The following BTRC variants were observed in gnomAD, a reference collection of about 807,000 sequenced individuals.
BTRC encodes the protein F-box/WD repeat-containing protein 1A.
Under a neutral mutation model 85.5 loss-of-function variants are expected in BTRC, and 42 were observed. The observed-to-expected ratio is 0.49, with a 90% CI of 0.38 to 0.64. The LOEUF (loss-of-function observed/expected upper bound fraction) is 0.64, where lower values mean the gene tolerates loss of function less well. Among genes scored for constraint, BTRC ranks in the 30% least tolerant of loss-of-function variants. BTRC has a pLI of 0.00. For synonymous variants in BTRC, 255 were observed against 263.3 expected (o/e 0.97, Z 0.30); for missense variants, 594 against 743.5 (o/e 0.80, Z 2.34).
chr10:101,366,917 T>TA (rs1942433976), intron 1 of BTRC, among the ~76,000 whole-genome samples: 1 of 2,388 alleles, frequency 4.2e-4, no homozygotes, highest in Non-Finnish European at 3.0e-3. Flanking sequence ...TTAATATATA[T>TA]TTATATATAT....
intron 13 of BTRC, among the ~76,000 whole-genome samples, chr10:101,543,468 T>TC (rs2062505805): frequency 2.0e-5 from 3 of 151,944 alleles, no homozygotes; most frequent in Non-Finnish European, 4.4e-5. Flanking sequence ...TTTTTTGTTT[T>TC]TTTTTTTTCT....
intron 4 of BTRC, among the ~76,000 whole-genome samples, chr10:101,505,526 A>G (rs1026631829): frequency 7.3e-5 from 11 of 151,710 alleles, no homozygotes; most frequent in African/African-American, 2.4e-4. Context: ...AAGCTGAGGC[A>G]GGAGAATGGC....
At chr10:101,366,021 A>C (rs778814755) in intron 1 of BTRC, among the ~76,000 whole-genome samples, 3 of 151,908 alleles carry the variant, frequency 2.0e-5, no homozygotes, top group Non-Finnish European at 4.4e-5. Flanking sequence ...GTCTCTCTCT[A>C]TTTTTCCTTT....
chr10:101,434,700 G>A (rs988279820), intron 2 of BTRC, among the ~76,000 whole-genome samples: 5 of 152,064 alleles, frequency 3.3e-5, no homozygotes, highest in Middle Eastern at 3.4e-3. Flanking sequence ...AAGCTGAGGC[G>A]GGAGGATTGC....
chr10:101,533,109 C>A, intron 9 of BTRC, 39 bp downstream of exon 9: 1 of 1,401,630 alleles, frequency 7.1e-7, no homozygotes, highest in Non-Finnish European at 1.0e-6. Flanking sequence ...TCTGAAATAT[C>A]AGCTCTGCTC....
At chr10:101,467,583 G>A (rs890801805) in intron 3 of BTRC, among the ~76,000 whole-genome samples, 8 of 151,828 alleles carry the variant, frequency 5.3e-5, no homozygotes, top group African/African-American at 1.9e-4. Context: ...AAATACTTTC[G>A]TTTGGGGTTT....
chr10:101,495,521 T>A (rs1448840623), intron 4 of BTRC, among the ~76,000 whole-genome samples: 1 of 152,224 alleles, frequency 6.6e-6, no homozygotes, highest in Non-Finnish European at 1.5e-5. Context: ...TAGTTAAAAG[T>A]GCTAGAGGGA....
Position 101,488,696 on chromosome 10 carries a change from T to C in BTRC, c.324+9239T>C, listed in dbSNP as rs943331081. On this transcript the variant is annotated intron_variant, in intron 4 of 14. Coordinates refer to ENST00000370187, the MANE Select transcript of BTRC (RefSeq NM_033637.4). ...TACTGTAAAAGCAAGTAATATGTTA[T>C]AGGCTATGTAAATGAATTCAAATAT... 3.3e-5 allele frequency among the ~76,000 whole-genome samples: 5 copies of C among 152,188 alleles called. 1 individual carries two copies. The South Asian group carries it at 6.2e-4, about 19-fold the overall frequency.
At chr10:101,472,309 C>CTTCTCTTCTCTTCTG (rs1368154900) in intron 3 of BTRC, among the ~76,000 whole-genome samples, 5 of 149,316 alleles carry the variant, frequency 3.3e-5, no homozygotes, top group Non-Finnish European at 7.4e-5. Context: ...CTTCTCTTCT[C>CTTCTCTTCTCTTCTG]TTCTCTTCTC....
chr10:101,532,783 T>TCAC (rs2062312000), intron 8 of BTRC, among the ~76,000 whole-genome samples, 169 bp from the exon 9 acceptor site: 1 of 80,010 alleles, frequency 1.2e-5, no homozygotes, highest in Non-Finnish European at 2.1e-5. Context: ...TGTGTGTGTG[T>TCAC]GTGTGTGCGC....
At chr10:101,452,227 C>T (rs1369545931) in intron 2 of BTRC, among the ~76,000 whole-genome samples, 2 of 152,202 alleles carry the variant, frequency 1.3e-5, no homozygotes, top group African/African-American at 4.8e-5. Flanking sequence ...TTTCTGCATA[C>T]TAGCATAAAT....
chr10:101,505,695 A>G (rs1589564738), intron 4 of BTRC, among the ~76,000 whole-genome samples: 2 of 151,912 alleles, frequency 1.3e-5, no homozygotes, highest in African/African-American at 4.8e-5. Context: ...GTCTTTGTTG[A>G]TAGTTGAAAT....
intron 13 of BTRC, among the ~76,000 whole-genome samples, chr10:101,549,280 A>C (rs1177867743): frequency 6.6e-6 from 1 of 151,268 alleles, no homozygotes. Context: ...AAAAAAAAAA[A>C]AAAAGCCAGG....
At position 101,521,818 on chromosome 10, in the gene BTRC, A is replaced by T. The variant is rs760375120; in HGVS notation, c.504A>T (p.Ile168=). ...SQMCHYQHGH[I]NSYLKPMLQR... is the part of the protein sequence containing the mutation. Reference sequence around the variant, plus strand: ...TGTGTCATTACCAACATGGGCACATAAACTCGTATCTTAAACCTATGTTGC... The same window carrying T: ...TGTGTCATTACCAACATGGGCACATTAACTCGTATCTTAAACCTATGTTGC... Residue 168 remains isoleucine (I), a synonymous_variant, in exon 5 of 15, where the codon ATA becomes ATT. Transcript: ENST00000370187. 5 of 1,613,956 alleles carry T rather than the reference A, an allele frequency of 3.1e-6. No homozygotes were observed. The African/African-American group carries it at 5.3e-5, about 17-fold the overall frequency.
chr10:101,354,425 G>C (rs1238465989), intron 1 of BTRC, 197 bp downstream of exon 1: 42 of 598,948 alleles, frequency 7.0e-5, no homozygotes, highest in Non-Finnish European at 2.8e-6. Context: ...TGGGGGCAGC[G>C]GCTCCGCCAT....
intron 4 of BTRC, among the ~76,000 whole-genome samples, chr10:101,483,330 C>A (rs146159129): frequency 0.023 from 3,450 of 152,296 alleles, 57 homozygotes; most frequent in Non-Finnish European, 0.032. Flanking sequence ...CACGGTGGCT[C>A]ACACCTGTAA....
chr10:101,545,573 CAAG>C (rs757516910), intron 13 of BTRC, among the ~76,000 whole-genome samples: 1 of 152,044 alleles, frequency 6.6e-6, no homozygotes, highest in Non-Finnish European at 1.5e-5. Context: ...GTCCTTAAAA[CAAG>C]AGGAGATTGG....
Position 101,553,755 on chromosome 10 carries a change from CTCTT to C in BTRC, c.*634_*637del, listed in dbSNP as rs1404649417. ...AAGATTTGGGCCTCCTGCCTGCCTTCTCTTTGTTTCTGTTCCTCTTCCCATCTAC... is the reference window on the plus strand; with the variant it reads ...AAGATTTGGGCCTCCTGCCTGCCTTCTGTTTCTGTTCCTCTTCCCATCTAC... On this transcript the variant is annotated 3_prime_UTR_variant, in exon 15 of 15. Transcript: ENST00000370187. 1.3e-5 allele frequency: 2 copies of C among 152,976 alleles called. No homozygotes were observed. The highest frequency in any genetic ancestry group is 2.9e-5 in the Non-Finnish European group (2 of 68,314). The allele number at this position is 152,976 out of a possible 1,614,324, so 9.5% of individuals were successfully genotyped here.
intron 9 of BTRC, among the ~76,000 whole-genome samples, chr10:101,534,323 G>A (rs1049116616): frequency 1.3e-5 from 2 of 152,118 alleles, no homozygotes; most frequent in East Asian, 3.9e-4. Flanking sequence ...GGCTATCATT[G>A]GAATGGGCAC....
Sources: allele counts gnomAD v4.1 joint callset (sites outside exome capture counted in the v4.1 genomes callset), GRCh38; gene constraint gnomAD v4.1.1; transcripts MANE v1.5; gene names NCBI Gene and HGNC (gene_info 2026-07-23, HGNC 2026-07-21).